Variants in SOCS4 observed in about 807,000 individuals in gnomAD.
SOCS4 encodes suppressor of cytokine signaling 4.
In SOCS4, 20 loss-of-function variants were observed where a neutral mutation model predicts 34.1. The ratio of observed to expected loss-of-function variants is 0.59; its 90% CI spans 0.41 to 0.85. The LOEUF (loss-of-function observed/expected upper bound fraction) is 0.85. Ranked by LOEUF, SOCS4 falls within the 40% of genes least tolerant of loss-of-function variation. The pLI is 0.00. For synonymous variants in SOCS4, 180 were observed against 186.4 expected (o/e 0.97, Z 0.28); for missense variants, 479 against 532.4 (o/e 0.90, Z 0.99).
Position 55,048,844 on chromosome 14 carries a change from G to A in SOCS4, c.*4480G>A, listed in dbSNP as rs776488183. On this transcript the variant is annotated 3_prime_UTR_variant, in exon 3 of 3. Coordinates refer to ENST00000555846, the MANE Select transcript of SOCS4 (RefSeq NM_199421.2). ...TGGAGTTAATTCTTCAGCAAGAGGT[G>A]ACCCTGGGAGCGTACTTTAAAATAA... is the stretch of plus-strand genomic sequence containing the variant. 3.0e-5 allele frequency: 5 copies of A among 167,008 alleles called. No individual in the cohort carries two copies. The highest frequency in any genetic ancestry group is 7.3e-5 in the Non-Finnish European group (5 of 68,112). 10.3% of individuals were successfully genotyped at this position (167,008 alleles called of 1,614,324 possible). A position where few individuals can be genotyped will look rare whatever the true frequency, so the allele number is the denominator to read the frequency against.
At chr14:55,039,189 G>A (rs757950109) in intron 2 of SOCS4, among the ~76,000 whole-genome samples, 1 of 152,180 alleles carries the variant, frequency 6.6e-6, no homozygotes, top group Non-Finnish European at 1.5e-5. Flanking sequence ...GGGCTCAGTG[G>A]CTCATGCTTG....
rs761567738 is a variant in SOCS4, at chr14:55,044,081, A to G, written c.1040A>G (p.His347Arg). 6.2e-7 allele frequency: 1 copy of G among 1,614,144 alleles called. No homozygotes were observed. Among genetic ancestry groups the G allele is most frequent in the African/African-American group, 1.3e-5 (1 of 75,050 alleles). The change falls in exon 3 of 3, where the codon CAT becomes CGT. Residue 347 changes from histidine to arginine, a missense_variant. By Grantham distance (29) the His-to-Arg change is conservative (BLOSUM62 0). Coordinates refer to ENST00000555846, the MANE Select transcript of SOCS4 (RefSeq NM_199421.2). Reference protein sequence around the residue: ...QWNHNFSFDAHDPCVFHSPDI... With the variant: ...QWNHNFSFDARDPCVFHSPDI... ...AATCACAACTTTAGCTTTGATGCACATGACCCCTGTGTCTTCCATTCTCCT... is the reference window on the plus strand; with the variant it reads ...AATCACAACTTTAGCTTTGATGCACGTGACCCCTGTGTCTTCCATTCTCCT...
At position 55,045,179 on chromosome 14, in the gene SOCS4, AATG is replaced by A. The variant is rs151174767; in HGVS notation, c.*818_*820del. ...CTTTCTCATTGGAAGCTTTGAAAAT[AATG>A]ATAACACTATTAGTAGCTAGTAGTT... On this transcript the variant is annotated 3_prime_UTR_variant, in exon 3 of 3. Coordinates refer to ENST00000555846, the MANE Select transcript of SOCS4 (RefSeq NM_199421.2). 0.012 allele frequency: 1,976 copies of A among 167,110 alleles called. 37 individuals are homozygous for A. The highest frequency in any genetic ancestry group is 0.054 in the Middle Eastern group (16 of 296). The allele number at this position is 167,110 out of a possible 1,614,324, so 10.4% of individuals were successfully genotyped here.
chr14:55,034,087 C>T (rs990138230), intron 2 of SOCS4, among the ~76,000 whole-genome samples: 3 of 152,114 alleles, frequency 2.0e-5, no homozygotes, highest in Non-Finnish European at 2.9e-5. Flanking sequence ...GAGCCGAGAT[C>T]GCACTGCTGC....
At chr14:55,037,681 A>G (rs559361124) in intron 2 of SOCS4, among the ~76,000 whole-genome samples, 1 of 151,770 alleles carries the variant, frequency 6.6e-6, no homozygotes, top group South Asian at 2.1e-4. Context: ...TTTAGTAGAG[A>G]CAGGGTTTCA....
intron 1 of SOCS4, among the ~76,000 whole-genome samples, chr14:55,027,921 C>T (rs895244525): frequency 2.0e-5 from 3 of 152,228 alleles, no homozygotes; most frequent in Non-Finnish European, 4.4e-5. Flanking sequence ...TGAGCACTTA[C>T]ATTTGATCCA....
intron 2 of SOCS4, among the ~76,000 whole-genome samples, chr14:55,038,278 G>A (rs2140246085): frequency 6.6e-6 from 1 of 152,306 alleles, no homozygotes; most frequent in East Asian, 1.9e-4. Flanking sequence ...AGTGAAATTT[G>A]GGTGGGACAC....
chr14:55,035,736 A>G (rs1468806107), intron 2 of SOCS4, among the ~76,000 whole-genome samples: 1 of 152,226 alleles, frequency 6.6e-6, no homozygotes, highest in Non-Finnish European at 1.5e-5. Context: ...CCAACAGCCC[A>G]GTGAAATAGA....
intron 2 of SOCS4, among the ~76,000 whole-genome samples, chr14:55,039,725 C>T (rs1383488156): frequency 6.6e-6 from 1 of 152,042 alleles, no homozygotes; most frequent in Non-Finnish European, 1.5e-5. Flanking sequence ...AACCTTGTCT[C>T]TACTAAAAAT....
intron 1 of SOCS4, among the ~76,000 whole-genome samples, chr14:55,029,882 G>C (rs111630182): frequency 1.3e-5 from 2 of 152,048 alleles, no homozygotes; most frequent in African/African-American, 2.4e-5. Flanking sequence ...AGTAAAAGTC[G>C]TCCTCCTACT....
At chr14:55,039,126 T>C (rs1336256887) in intron 2 of SOCS4, among the ~76,000 whole-genome samples, 2 of 152,212 alleles carry the variant, frequency 1.3e-5, no homozygotes, top group Non-Finnish European at 2.9e-5. Flanking sequence ...CAAAAAGCTG[T>C]CTTCATCTTG....
chr14:55,049,208 C>T lies in SOCS4; in HGVS notation c.*4844C>T, dbSNP rs2042703899. 1 of 166,950 alleles carries T rather than the reference C, an allele frequency of 6.0e-6. No homozygotes were observed. Among genetic ancestry groups the T allele is most frequent in the African/African-American group, 2.4e-5 (1 of 41,440 alleles). The allele number at this position is 166,950 out of a possible 1,614,324, so 10.3% of individuals were successfully genotyped here. A position where few individuals can be genotyped will look rare whatever the true frequency, so the allele number is the denominator to read the frequency against. ...GACTTGAGAGCCATGGTGTAAAACT[C>T]AAGGAGGTTTATTTAAATTATGCTG... On this transcript the variant is annotated 3_prime_UTR_variant, in exon 3 of 3. Transcript: ENST00000555846.
chr14:55,043,101 G>A lies in SOCS4; in HGVS notation c.60G>A (p.Arg20=), dbSNP rs35504537. The part of the protein sequence containing the change: ...KNVDVRPKTS[R]SRSADRKDGY... ...TAGATGTAAGGCCCAAAACTAGTCG[G>A]AGCAGAAGTGCCGACAGAAAAGACG... Residue 20 remains arginine (R), a synonymous_variant, in exon 3 of 3, where the codon CGG becomes CGA. Coordinates refer to ENST00000555846, the MANE Select transcript of SOCS4 (RefSeq NM_199421.2). The A allele has an allele frequency of 3.4e-3, 5,514 of 1,614,108 alleles. 154 individuals are homozygous for A. The African/African-American group carries it at 0.062, about 18-fold the overall frequency.
intron 2 of SOCS4, among the ~76,000 whole-genome samples, chr14:55,033,634 G>A (rs991250469): frequency 3.7e-4 from 57 of 152,142 alleles, no homozygotes; most frequent in South Asian, 2.1e-4. Flanking sequence ...TTCAGTAATG[G>A]TTATGAAATT....
rs2140252822 is a variant in SOCS4 at position 55,047,964 on chromosome 14, C to T, written c.*3600C>T. 1 of 166,986 alleles carries T rather than the reference C, an allele frequency of 6.0e-6. No homozygotes were observed. Among genetic ancestry groups the T allele is most frequent in the African/African-American group, 2.4e-5 (1 of 41,564 alleles). 10.3% of individuals were successfully genotyped at this position (166,986 alleles called of 1,614,324 possible). On this transcript the variant is annotated 3_prime_UTR_variant, in exon 3 of 3. Coordinates refer to ENST00000555846, the MANE Select transcript of SOCS4 (RefSeq NM_199421.2). ...AGACAGAGTCTCGCTGTTGTCAGCC[C>T]AGGCTGGAGTGCAATGGCGCAATCT...
chr14:55,039,810 G>A (rs2042602321), intron 2 of SOCS4, among the ~76,000 whole-genome samples: 1 of 152,106 alleles, frequency 6.6e-6, no homozygotes, highest in Non-Finnish European at 1.5e-5. Context: ...GCAGGAGAAT[G>A]GAGTGAACCC....
intron 1 of SOCS4, among the ~76,000 whole-genome samples, chr14:55,029,348 GTGCTTA>G (rs2042507605): frequency 6.6e-6 from 1 of 152,188 alleles, no homozygotes; most frequent in Non-Finnish European, 1.5e-5. Context: ...GTCATTAACA[GTGCTTA>G]TCTCATAGGT....
rs1362274012 is a variant in SOCS4 at position 55,043,304 on chromosome 14, G to T, written c.263G>T (p.Gly88Val). The T allele has an allele frequency of 3.7e-6, 6 of 1,614,196 alleles. No homozygotes were observed. The highest frequency in any genetic ancestry group is 5.1e-6 in the Non-Finnish European group (6 of 1,180,020). Reference protein sequence around the residue: ...LDHSCGHRFLGRSLKQKLQDA... With the variant: ...LDHSCGHRFLVRSLKQKLQDA... ...CATTCCTGTGGGCATCGATTTTTAG[G>T]CCGATCTCTTAAACAGAAACTGCAA... The change falls in exon 3 of 3, where the codon GGC (glycine) becomes GTC (valine). Residue 88 changes from glycine to valine, a missense_variant. By Grantham distance (109) the Gly-to-Val change is moderately radical (BLOSUM62 -3). Transcript: ENST00000555846.
chr14:55,032,366 A>G (rs1256163898), intron 2 of SOCS4, among the ~76,000 whole-genome samples: 5 of 152,200 alleles, frequency 3.3e-5, no homozygotes, highest in Admixed American at 3.3e-4. Flanking sequence ...ATATTTTGTA[A>G]TGAAAATTGA....
Sources: gnomAD v4.1 joint callset for allele counts (sites outside exome capture counted in the v4.1 genomes callset) on GRCh38, gnomAD v4.1.1 for gene constraint, MANE v1.5 for transcripts, NCBI Gene and HGNC (gene_info 2026-07-23, HGNC 2026-07-21) for gene names.